The following ARMC9 variants were observed in gnomAD, a reference collection of about 807,000 sequenced individuals.
The protein encoded by ARMC9 is armadillo repeat containing 9, also known as lisH domain-containing protein ARMC9.
In ARMC9, 94 loss-of-function variants were observed where a neutral mutation model predicts 107.0. The observed-to-expected ratio is 0.88, with a 90% confidence interval of 0.74 to 1.04. The LOEUF is 1.04. Among genes scored for constraint, ARMC9 ranks in the 50% least tolerant of loss-of-function variants. ARMC9 has a pLI of 0.00. For synonymous variants in ARMC9, 380 were observed against 396.9 expected (o/e 0.96, Z 0.51); for missense variants, 942 against 1,030.1 (o/e 0.91, Z 1.17).
chr2:231,344,362 T>A (rs1481190177), intron 20 of ARMC9, among the ~76,000 whole-genome samples: 1 of 152,226 alleles, frequency 6.6e-6, no homozygotes, highest in Non-Finnish European at 1.5e-5. Flanking sequence ...TTTTGTAAAG[T>A]TGTAGTTTCT....
At chr2:231,200,675 A>AAACAAC (rs113415095) in intron 1 of ARMC9, among the ~76,000 whole-genome samples, 1 of 151,396 alleles carries the variant, frequency 6.6e-6, no homozygotes, top group African/African-American at 2.4e-5. Context: ...CTCCATCTCA[A>AAACAAC]AACAACAAAA....
rs781136054 is a variant in ARMC9 at position 231,270,933 on chromosome 2, A to G, written c.1120-49A>G. The stretch of plus-strand genomic sequence containing the variant: ...AGACCCGAAGAGGAGGCGTGTGTTT[A>G]TCTCTCCGTGTTCTTAACCTTGTTT... On this transcript the variant is annotated intron_variant, in intron 12 of 24. Transcript: ENST00000611582. 85 of 1,539,480 alleles carry G rather than the reference A, an allele frequency of 5.5e-5. 2 individuals are homozygous for G. In the South Asian group the frequency reaches 9.3e-4, roughly 17 times the overall value.
At chr2:231,219,153 TTGTC>T (rs1207718479) in intron 5 of ARMC9, among the ~76,000 whole-genome samples, 2 of 152,176 alleles carry the variant, frequency 1.3e-5, no homozygotes, top group Non-Finnish European at 2.9e-5. Context: ...CTTTTTTTTT[TTGTC>T]AAGTATCTTA....
chr2:231,251,418 G>C (rs1010252999), intron 9 of ARMC9, among the ~76,000 whole-genome samples: 6 of 152,132 alleles, frequency 3.9e-5, no homozygotes, highest in African/African-American at 1.4e-4. Flanking sequence ...ACCTGCCTCA[G>C]CCTCCCAAAG....
chr2:231,359,242 A>G (rs2045470592), intron 22 of ARMC9, among the ~76,000 whole-genome samples: 1 of 152,006 alleles, frequency 6.6e-6, no homozygotes, highest in Admixed American at 6.6e-5. Flanking sequence ...ATGTGTTACC[A>G]TACCCGGCTA....
At chr2:231,311,155 G>T (rs2042322471) in intron 19 of ARMC9, among the ~76,000 whole-genome samples, 1 of 152,094 alleles carries the variant, frequency 6.6e-6, no homozygotes, top group African/African-American at 2.4e-5. Context: ...AATAGAAAAA[G>T]ACAGAAGCAT....
At chr2:231,294,060 T>G (rs961221358) in intron 18 of ARMC9, 2 of 151,896 alleles carry the variant, frequency 1.3e-5, no homozygotes, top group Non-Finnish European at 2.9e-5. Context: ...TCAGTAAACT[T>G]GAAAACATCT....
intron 19 of ARMC9, among the ~76,000 whole-genome samples, chr2:231,309,307 G>C (rs953442890): frequency 2.0e-5 from 3 of 152,134 alleles, no homozygotes; most frequent in African/African-American, 4.8e-5. Context: ...TCCAACATCG[G>C]TTGCCTTGGA....
rs35322543 is a variant in ARMC9, at chr2:231,259,055, T to C, written c.979T>C (p.Leu327=). Residue 327 remains leucine, a synonymous_variant, in exon 11 of 25, where the codon TTG becomes CTG. Coordinates refer to ENST00000611582, the MANE Select transcript of ARMC9 (RefSeq NM_001352754.2). ...TGAGAAACTGAAGAAGGATTTGATT[T>C]TGGGGAGTGACCGCTTGAAAGCCTT... is the stretch of plus-strand genomic sequence containing the variant. ...DYEKLKKDLI[L]GSDRLKAFLL... 1,266 of 1,614,140 alleles carry C rather than the reference T, an allele frequency of 7.8e-4. 1 individual carries two copies. Among genetic ancestry groups the C allele is most frequent in the Non-Finnish European group, 1.0e-3 (1,203 of 1,179,992 alleles).
rs2039454568 is a variant in ARMC9 at position 231,272,834 on chromosome 2, A to G, written c.1211-121A>G. 3.0e-6 allele frequency: 4 copies of G among 1,330,644 alleles called. No homozygotes were observed. The Admixed American group carries it at 6.9e-5, about 23-fold the overall frequency. 82.4% of individuals were successfully genotyped at this position (1,330,644 alleles called of 1,614,324 possible). A position where few individuals can be genotyped will look rare whatever the true frequency, so the allele number is the denominator to read the frequency against. ...CCCTGCCCAGTAAGTTTTTTAGAAC[A>G]TAAAATTACCCAAACTCTACTGTGT... On this transcript the variant is annotated intron_variant, in intron 13 of 24. Coordinates refer to ENST00000611582, the MANE Select transcript of ARMC9 (RefSeq NM_001352754.2).
At chr2:231,339,533 A>G (rs1056119512) in intron 20 of ARMC9, among the ~76,000 whole-genome samples, 10 of 152,292 alleles carry the variant, frequency 6.6e-5, no homozygotes, top group Admixed American at 4.6e-4. Context: ...CCTGGGTGGC[A>G]TTAAGCAATC....
intron 12 of ARMC9, chr2:231,270,690 C>A (rs2039246195): frequency 1.8e-6 from 1 of 558,994 alleles, no homozygotes; most frequent in South Asian, 1.5e-5. Flanking sequence ...ACCTGGAAAA[C>A]AGCCGCAACG....
At chr2:231,356,076 C>T in intron 22 of ARMC9, 142 bp downstream of exon 22, 2 of 1,154,538 alleles carry the variant, frequency 1.7e-6, no homozygotes, top group Non-Finnish European at 2.4e-6. Flanking sequence ...CACAGAGGCT[C>T]ACGGGATTCC....
At chr2:231,352,660 AGGAT>A (rs1462997594) in intron 21 of ARMC9, among the ~76,000 whole-genome samples, 1 of 84,866 alleles carries the variant, frequency 1.2e-5, no homozygotes, top group African/African-American at 6.1e-5. Context: ...AGATGTTCAC[AGGAT>A]AGATAGATAG....
intron 1 of ARMC9, among the ~76,000 whole-genome samples, chr2:231,205,886 A>C (rs985388242): frequency 6.6e-6 from 1 of 152,194 alleles, no homozygotes; most frequent in African/African-American, 2.4e-5. Context: ...GTGGCTGTTG[A>C]GTCTTTCTCA....
intron 19 of ARMC9, among the ~76,000 whole-genome samples, chr2:231,327,893 T>A (rs1271369525): frequency 1.3e-5 from 2 of 152,180 alleles, no homozygotes; most frequent in African/African-American, 4.8e-5. Flanking sequence ...CAAGTGATTC[T>A]CATGCTTCAA....
At chr2:231,364,160 G>A (rs2045711748) in intron 23 of ARMC9, among the ~76,000 whole-genome samples, 1 of 152,232 alleles carries the variant, frequency 6.6e-6, no homozygotes, top group Admixed American at 6.5e-5. Flanking sequence ...GTGATGGCAG[G>A]GCTGCCTTGA....
In ARMC9 at chr2:231,371,566, C is replaced by T. The variant is rs957469906; in HGVS notation, c.*31C>T. ...TCCCCGGGTGTCCCCATCACGTTGC[C>T]GGAGGACCAGCCAGCTTCCCGCTCT... On this transcript the variant is annotated 3_prime_UTR_variant, in exon 25 of 25. Transcript: ENST00000611582. 33 of 1,235,092 alleles carry T rather than the reference C, an allele frequency of 2.7e-5. No individual in the cohort carries two copies. Among genetic ancestry groups the T allele is most frequent in the Middle Eastern group, 2.1e-4 (1 of 4,764 alleles). 76.5% of individuals were successfully genotyped at this position (1,235,092 alleles called of 1,614,324 possible).
chr2:231,262,804 TCTA>T (rs1359750865), intron 12 of ARMC9, among the ~76,000 whole-genome samples: 1 of 152,170 alleles, frequency 6.6e-6, no homozygotes. Flanking sequence ...GCCAGATAGG[TCTA>T]CTGATCCTGT....
Sources: allele counts gnomAD v4.1 joint callset (sites outside exome capture counted in the v4.1 genomes callset), GRCh38; gene constraint gnomAD v4.1.1; transcripts MANE v1.5; gene names NCBI Gene and HGNC (gene_info 2026-07-23, HGNC 2026-07-21).